Variants in TMLHE observed in about 807,000 individuals in gnomAD.
TMLHE encodes the protein trimethyllysine dioxygenase, mitochondrial.
TMLHE carries 18 observed loss-of-function variants against 25.7 expected under a neutral mutation model. That is an observed-to-expected ratio of 0.70 (90% CI 0.48 to 1.04). The LOEUF is 1.04. TMLHE is among the 50% of genes least tolerant of loss of function. The pLI is 0.00. For missense variants in TMLHE, 236 were observed against 259.0 expected (o/e 0.91, Z 0.61); for synonymous variants, 105 against 97.0 (o/e 1.08, Z -0.49).
intron 1 of TMLHE, among the ~76,000 whole-genome samples, chrX:155,554,793 G>A (rs1032503403): frequency 9.1e-6 from 1 of 109,865 alleles, no homozygotes; most frequent in Non-Finnish European, 1.9e-5. Flanking sequence ...ATGTATATGG[G>A]ACAGCTGACT....
At chrX:155,584,914 T>C (rs2067654771) in intron 1 of TMLHE, among the ~76,000 whole-genome samples, 1 of 110,936 alleles carries the variant, frequency 9.0e-6, no homozygotes, top group Non-Finnish European at 1.9e-5. Context: ...AATGACAGTA[T>C]TTACCACCAT....
At chrX:155,527,073 T>A (rs1163178400) in intron 2 of TMLHE, among the ~76,000 whole-genome samples, 3 of 111,839 alleles carry the variant, frequency 2.7e-5, no homozygotes, top group African/African-American at 9.8e-5. Context: ...GAAGGCGTGA[T>A]TGGTTTTGAA....
intron 3 of TMLHE, among the ~76,000 whole-genome samples, chrX:155,522,642 A>G (rs2067195494): frequency 8.9e-6 from 1 of 112,165 alleles, no homozygotes; most frequent in Non-Finnish European, 1.9e-5. Flanking sequence ...CAAACATGAA[A>G]TCATGCAGAT....
rs2067834846 is a variant in TMLHE at position 155,612,896 on chromosome X, A to C, written c.-106T>G. On this transcript the variant is annotated 5_prime_UTR_variant, in exon 1 of 8. Transcript: ENST00000334398. ...ACCCGCCTTTTGCCTTTTCACCCCC[A>C]AAACTGTCGGCCCCACGCTCCCCTC... 9.0e-6 allele frequency: 1 copy of C among 111,223 alleles called. No homozygotes were observed. The highest frequency in any genetic ancestry group is 3.9e-4 in the South Asian group (1 of 2,585). The allele number at this position is 111,223 out of a possible 1,213,427, so 9.2% of individuals were successfully genotyped here. A position where few individuals can be genotyped will look rare whatever the true frequency, so the allele number is the denominator to read the frequency against.
At chrX:155,515,966 T>C (rs954175240) in intron 3 of TMLHE, among the ~76,000 whole-genome samples, 1 of 108,025 alleles carries the variant, frequency 9.3e-6, no homozygotes, top group Non-Finnish European at 1.9e-5. Flanking sequence ...GATTTGTCTG[T>C]TCAGTCCTTT....
At chrX:155,576,184 C>G (rs193115715) in intron 1 of TMLHE, among the ~76,000 whole-genome samples, 32 of 111,590 alleles carry the variant, frequency 2.9e-4, no homozygotes, top group African/African-American at 9.8e-4. Context: ...ACTCAATGCA[C>G]AAAAATCAGT....
chrX:155,524,626 T>C lies in TMLHE; in HGVS notation c.188A>G (p.Lys63Arg). The change falls in exon 3 of 8, where the codon AAA becomes AGA. Residue 63 changes from lysine (K) to arginine (R), a missense_variant. Transcript: ENST00000334398. ...AAAGCGCATCACGGTATTAGCATAT[T>C]TCAGCTCTAGGGAAAAGATCACATT... The part of the protein sequence containing the change: ...WQQHEDHFEL[K>R]YANTVMRFDY... 8.5e-7 allele frequency: 1 copy of C among 1,172,866 alleles called. No homozygotes were observed. The highest frequency in any genetic ancestry group is 1.1e-6 in the Non-Finnish European group (1 of 875,271).
intron 1 of TMLHE, among the ~76,000 whole-genome samples, chrX:155,567,148 G>T (rs1395836144): frequency 4.8e-5 from 3 of 62,471 alleles, no homozygotes; most frequent in Non-Finnish European, 1.3e-4. Context: ...AGAATAATCA[G>T]AAATGTCTGG....
intron 1 of TMLHE, chrX:155,612,195 C>T (rs782000161): frequency 8.9e-6 from 1 of 112,090 alleles, no homozygotes; most frequent in East Asian, 2.8e-4. Context: ...AAGGCTTTTC[C>T]ATTGTTTTCG....
rs1370421397 is a variant in TMLHE, at chrX:155,508,661, GA to G, written c.759-1528del. On this transcript the variant is annotated intron_variant, in intron 5 of 7. Transcript: ENST00000334398. ...TATAGGAAGAAAACTAGGAAAGAAG[GA>G]ATATTTAAGAAATTTAGTAGTGGTT... 2.7e-5 allele frequency among the ~76,000 whole-genome samples: 3 copies of G among 110,502 alleles called. No individual in the cohort carries two copies. In the Admixed American group the frequency reaches 2.9e-4, roughly 11 times the overall value.
chrX:155,512,342 C>A (rs1370682124), intron 4 of TMLHE, among the ~76,000 whole-genome samples: 1 of 97,930 alleles, frequency 1.0e-5, no homozygotes, highest in Admixed American at 1.1e-4. Flanking sequence ...CAACAGTCCC[C>A]AGAGTGTGAT....
chrX:155,595,953 T>G (rs1209180608), intron 1 of TMLHE, among the ~76,000 whole-genome samples: 1 of 111,839 alleles, frequency 8.9e-6, no homozygotes, highest in East Asian at 2.8e-4. Context: ...GAGATACCAT[T>G]AAGAAAATCA....
At chrX:155,588,955 G>A (rs2067679865) in intron 1 of TMLHE, among the ~76,000 whole-genome samples, 1 of 111,772 alleles carries the variant, frequency 8.9e-6, no homozygotes, top group Non-Finnish European at 1.9e-5. Context: ...ATTACCATAT[G>A]ATCTAGCAAT....
chrX:155,560,557 AGATGACATTT>A (rs1315358643), intron 1 of TMLHE, among the ~76,000 whole-genome samples: 8 of 34,001 alleles, frequency 2.4e-4, no homozygotes, highest in African/African-American at 3.2e-4. Flanking sequence ...TCATTAAGAA[AGATGACATTT>A]GATCAAAGGA....
chrX:155,584,741 C>T (rs895845792), intron 1 of TMLHE, among the ~76,000 whole-genome samples: 1 of 110,791 alleles, frequency 9.0e-6, no homozygotes, highest in East Asian at 2.8e-4. Context: ...AAAAAAACTG[C>T]CAGCCAAGGA....
intron 1 of TMLHE, among the ~76,000 whole-genome samples, chrX:155,584,761 C>T (rs2067654021): frequency 9.0e-6 from 1 of 111,196 alleles, no homozygotes; most frequent in Non-Finnish European, 1.9e-5. Flanking sequence ...ATACTATCCC[C>T]AGCAACGTTT....
chrX:155,546,223 C>A (rs1050682751), intron 1 of TMLHE, among the ~76,000 whole-genome samples: 1 of 111,581 alleles, frequency 9.0e-6, no homozygotes, highest in African/African-American at 3.3e-5. Context: ...CTATTACTAT[C>A]GTTATTACGG....
intron 1 of TMLHE, among the ~76,000 whole-genome samples, chrX:155,573,117 A>T (rs5983654): frequency 0.11 from 6,330 of 56,407 alleles, 1,644 homozygotes; most frequent in African/African-American, 0.14. Context: ...ATCTACAATG[A>T]ACTCAAACAA....
In TMLHE at chrX:155,545,118, C is replaced by A. The variant is rs782603092; in HGVS notation, c.159G>T (p.Trp53Cys). The A allele has an allele frequency of 9.9e-6, 12 of 1,207,119 alleles. No homozygotes were observed. The highest frequency in any genetic ancestry group is 1.8e-5 in the African/African-American group (1 of 57,068). ...HTASKSLTCA[W>C]QQHEDHFELK... is the part of the protein sequence containing the mutation. ...TACCAAAATGATCTTCATGTTGCTG[C>A]CAAGCACAAGTCAGAGACTTGGAGG... is the stretch of plus-strand genomic sequence containing the variant. The change falls in exon 2 of 8, where the codon TGG (tryptophan) becomes TGT (cysteine). Residue 53 changes from tryptophan (W) to cysteine (C), a missense_variant. Physicochemically the swap from Trp to Cys is radical, Grantham distance 215 (BLOSUM62 -2). Transcript: ENST00000334398.
Sources: allele counts gnomAD v4.1 joint callset (sites outside exome capture counted in the v4.1 genomes callset), GRCh38; gene constraint gnomAD v4.1.1; transcripts MANE v1.5; gene names NCBI Gene and HGNC (gene_info 2026-07-23, HGNC 2026-07-21).